EXT2: variants seen among roughly 807,000 people sequenced by gnomAD.
The protein encoded by EXT2 is exostosin glycosyltransferase 2.
In EXT2, 53 loss-of-function variants were observed where a neutral mutation model predicts 81.6. The ratio of observed to expected loss-of-function variants is 0.65; its 90% confidence interval spans 0.52 to 0.82. The LOEUF (loss-of-function observed/expected upper bound fraction) is 0.82. Ranked by LOEUF, EXT2 falls within the 40% of genes least tolerant of loss-of-function variation. The pLI, the probability that EXT2 is intolerant of heterozygous loss-of-function variation, is 0.00. For synonymous variants in EXT2, 320 were observed against 340.0 expected (o/e 0.94, Z 0.65); for missense variants, 774 against 910.2 (o/e 0.85, Z 1.93).
At chr11:44,095,974 A>C (rs925975964) in intron 1 of EXT2, 122 bp downstream of exon 1, 3 of 464,172 alleles carry the variant, frequency 6.5e-6, no homozygotes, top group African/African-American at 6.1e-5. Context: ...GGCTCCGTGG[A>C]GGCCCGTGGG....
At chr11:44,119,935 C>T (rs1160644699) in intron 4 of EXT2, among the ~76,000 whole-genome samples, 2 of 152,198 alleles carry the variant, frequency 1.3e-5, no homozygotes, top group East Asian at 3.8e-4. Flanking sequence ...TTTCTTGAGA[C>T]CACTTGAACC....
intron 8 of EXT2, among the ~76,000 whole-genome samples, chr11:44,184,364 T>G (rs1401205552): frequency 6.6e-6 from 1 of 152,230 alleles, no homozygotes; most frequent in Non-Finnish European, 1.5e-5. Context: ...AAAATTACAT[T>G]TTTTCTTAAA....
chr11:44,165,472 A>C (rs1954983054), intron 7 of EXT2, among the ~76,000 whole-genome samples: 1 of 152,246 alleles, frequency 6.6e-6, no homozygotes, highest in African/African-American at 2.4e-5. Context: ...ATTATTGGCA[A>C]AACTTGCTTC....
At chr11:44,195,528 T>C (rs1955445838) in intron 8 of EXT2, among the ~76,000 whole-genome samples, 1 of 152,224 alleles carries the variant, frequency 6.6e-6, no homozygotes, top group Admixed American at 6.5e-5. Flanking sequence ...GGCTTTAATA[T>C]CCTGATTACA....
chr11:44,107,672 C>T lies in EXT2; in HGVS notation c.-30-11C>T. ...TACTTGGTTTTTCTTATTTCTCTCC[C>T]TGGTGACCAGGAGTGTGAGGAAGAG... On this transcript the variant is annotated splice_polypyrimidine_tract_variant and intron_variant, in intron 1 of 13. Coordinates refer to ENST00000533608, the MANE Select transcript of EXT2 (RefSeq NM_207122.2). 6.3e-7 allele frequency: 1 copy of T among 1,599,954 alleles called. No homozygotes were observed. Among genetic ancestry groups the T allele is most frequent in the South Asian group, 1.1e-5 (1 of 89,876 alleles).
chr11:44,202,789 A>G (rs1293136202), intron 9 of EXT2, among the ~76,000 whole-genome samples: 1 of 152,180 alleles, frequency 6.6e-6, no homozygotes, highest in Non-Finnish European at 1.5e-5. Flanking sequence ...TTCCTTCTTC[A>G]TAGTTGAAGA....
intron 13 of EXT2, among the ~76,000 whole-genome samples, chr11:44,237,834 CT>C (rs1263972078): frequency 6.9e-5 from 10 of 144,672 alleles, no homozygotes; most frequent in South Asian, 6.6e-4. Flanking sequence ...GTTACCAAGG[CT>C]GGTGGATCAC....
intron 8 of EXT2, among the ~76,000 whole-genome samples, chr11:44,182,150 A>G (rs981713794): frequency 2.0e-5 from 3 of 152,092 alleles, no homozygotes; most frequent in African/African-American, 7.2e-5. Flanking sequence ...AATCTGTTAT[A>G]TTTAGTATGG....
intron 7 of EXT2, among the ~76,000 whole-genome samples, chr11:44,151,018 G>A (rs189613746): frequency 8.5e-5 from 13 of 152,242 alleles, no homozygotes; most frequent in African/African-American, 3.1e-4. Flanking sequence ...AAGAATTAAG[G>A]CTAGTTTCAA....
intron 7 of EXT2, among the ~76,000 whole-genome samples, chr11:44,147,877 G>T (rs896149784): frequency 6.7e-6 from 1 of 149,038 alleles, no homozygotes; most frequent in Admixed American, 6.8e-5. Flanking sequence ...CCAGCAGCAA[G>T]CTACTATTTT....
chr11:44,138,576 A>G (rs748000370), intron 7 of EXT2, among the ~76,000 whole-genome samples: 10 of 151,994 alleles, frequency 6.6e-5, no homozygotes, highest in Non-Finnish European at 1.2e-4. Context: ...ATAATAGGAA[A>G]CTATTAGAGA....
intron 1 of EXT2, among the ~76,000 whole-genome samples, chr11:44,097,767 AATAAAT>A (rs1565192358): frequency 0.13 from 2,273 of 17,482 alleles, 74 homozygotes; most frequent in East Asian, 0.43. Flanking sequence ...TCAAAAAATA[AATAAAT>A]AAATAAATAA....
Position 44,140,568 on chromosome 11 carries a change from G to C in EXT2, c.1173+10430G>C, listed in dbSNP as rs1954632257. ...TTACCTGGATCAAGGCCAGTGGTTTGATGGGAGCTTCAAAATCTTTGGCAT... is the reference window on the plus strand; with the variant it reads ...TTACCTGGATCAAGGCCAGTGGTTTCATGGGAGCTTCAAAATCTTTGGCAT... On this transcript the variant is annotated intron_variant, in intron 7 of 13. Coordinates refer to ENST00000533608, the MANE Select transcript of EXT2 (RefSeq NM_207122.2). 2.0e-5 allele frequency among the ~76,000 whole-genome samples: 3 copies of C among 152,180 alleles called. No homozygotes were observed. The South Asian group carries it at 6.2e-4, about 32-fold the overall frequency.
In EXT2 at chr11:44,251,159, T is replaced by C. The variant is rs1956135035; in HGVS notation, c.*6872T>C. Among the ~76,000 whole-genome samples, 1 of 150,144 alleles carries C rather than the reference T, an allele frequency of 6.7e-6. No individual in the cohort carries two copies. The highest frequency in any genetic ancestry group is 1.5e-5 in the Non-Finnish European group (1 of 67,756). On this transcript the variant is annotated 3_prime_UTR_variant, in exon 14 of 14. Transcript: ENST00000533608. The stretch of plus-strand genomic sequence containing the variant: ...AATGAGGGTTCCATTAACTCCATCT[T>C]GTCTAATGCATGGAGAATTCAAGGA...
chr11:44,213,023 T>G (rs1217165037), intron 10 of EXT2, among the ~76,000 whole-genome samples: 2 of 152,088 alleles, frequency 1.3e-5, no homozygotes, highest in African/African-American at 2.4e-5. Context: ...CCTTTAAAAT[T>G]GATAGTTTTT....
chr11:44,144,454 C>T, intron 7 of EXT2: 1 of 893,296 alleles, frequency 1.1e-6, no homozygotes, highest in Non-Finnish European at 1.7e-6. Flanking sequence ...AGTAACCTTT[C>T]ACCCCAATGG....
chr11:44,234,096 T>C lies in EXT2; in HGVS notation c.1807-19T>C, dbSNP rs751175658. ...AACTGCTATTTTTGAATATTTCTTCTTTCTGTCTCACTTGACAGTATTTTA... is the reference window on the plus strand; with the variant it reads ...AACTGCTATTTTTGAATATTTCTTCCTTCTGTCTCACTTGACAGTATTTTA... On this transcript the variant is annotated intron_variant, in intron 11 of 13. Transcript: ENST00000533608. 6.2e-7 allele frequency: 1 copy of C among 1,614,048 alleles called. No homozygotes were observed. The highest frequency in any genetic ancestry group is 2.2e-5 in the East Asian group (1 of 44,862).
intron 8 of EXT2, among the ~76,000 whole-genome samples, chr11:44,187,059 T>TCCCTCCC (rs1955324793): frequency 1.6e-5 from 2 of 123,300 alleles, no homozygotes; most frequent in Admixed American, 1.7e-4. Flanking sequence ...CCTTCCCTCC[T>TCCCTCCC]CCCTCCCTCC....
At chr11:44,218,793 C>T (rs868070162) in intron 10 of EXT2, among the ~76,000 whole-genome samples, 253 of 92,120 alleles carry the variant, frequency 2.7e-3, no homozygotes, top group East Asian at 3.8e-3. Flanking sequence ...ATCTGCAATT[C>T]TTTTTTTTTT....
Sources: allele counts gnomAD v4.1 joint callset (sites outside exome capture counted in the v4.1 genomes callset), GRCh38; gene constraint gnomAD v4.1.1; transcripts MANE v1.5; gene names NCBI Gene and HGNC (gene_info 2026-07-23, HGNC 2026-07-21).